Variants in NOL9 observed in about 807,000 individuals in gnomAD.
NOL9 encodes the protein polynucleotide 5'-hydroxyl-kinase NOL9.
In NOL9, 28 loss-of-function variants were observed where a neutral mutation model predicts 67.9. That is an observed-to-expected ratio of 0.41 (90% confidence interval 0.31 to 0.57). The LOEUF (loss-of-function observed/expected upper bound fraction) is 0.57. Ranked by LOEUF, NOL9 falls within the 20% of genes least tolerant of loss-of-function variation. The pLI, the probability that NOL9 is intolerant of heterozygous loss-of-function variation, is 0.25. For missense variants in NOL9, 777 were observed against 897.0 expected (o/e 0.87, Z 1.71); for synonymous variants, 356 against 352.2 (o/e 1.01, Z -0.12).
chr1:6,551,810 TCA>T (rs2148663016), intron 1 of NOL9, among the ~76,000 whole-genome samples: 1 of 151,994 alleles, frequency 6.6e-6, no homozygotes, highest in East Asian at 1.9e-4. Flanking sequence ...GGCGGGTGGA[TCA>T]CAAGGTCAGG....
At chr1:6,540,132 T>TTTTTC in intron 6 of NOL9, among the ~76,000 whole-genome samples, 1 of 135,214 alleles carries the variant, frequency 7.4e-6, no homozygotes, top group African/African-American at 2.8e-5. Context: ...TTCTTTTTTT[T>TTTTTC]TTTTTTTTGA....
Position 6,533,454 on chromosome 1 carries a change from A to G in NOL9, c.1076-13T>C, listed in dbSNP as rs1212637895. The G allele has an allele frequency of 1.3e-6, 2 of 1,570,042 alleles. No individual in the cohort carries two copies. Among genetic ancestry groups the G allele is most frequent in the South Asian group, 2.3e-5 (2 of 85,204 alleles). ...GTGAAAGGTGGTCCTAAAAAGATAA[A>G]GATGAGTAATCAGATGAGTAAGGTG... On this transcript the variant is annotated splice_polypyrimidine_tract_variant and intron_variant, in intron 6 of 11. Coordinates refer to ENST00000377705, the MANE Select transcript of NOL9 (RefSeq NM_024654.5).
chr1:6,539,995 T>C (rs1002002708), intron 6 of NOL9, among the ~76,000 whole-genome samples: 2 of 151,852 alleles, frequency 1.3e-5, no homozygotes, highest in Admixed American at 6.6e-5. Context: ...GGAGTTACTC[T>C]TTTTTTTGAG....
chr1:6,541,286 A>G (rs1217869740), intron 6 of NOL9, among the ~76,000 whole-genome samples: 1 of 152,094 alleles, frequency 6.6e-6, no homozygotes, highest in East Asian at 1.9e-4. Context: ...CGGTCAAGCA[A>G]TTCTCCTGCT....
intron 6 of NOL9, among the ~76,000 whole-genome samples, chr1:6,540,362 T>G (rs908635131): frequency 6.6e-6 from 1 of 151,978 alleles, no homozygotes; most frequent in Non-Finnish European, 1.5e-5. Flanking sequence ...AACCTCGTGA[T>G]CCACCCGCCT....
rs1327742566 is a variant in NOL9 at position 6,524,034 on chromosome 1, A to T, written c.*1820T>A. 2.0e-5 allele frequency: 3 copies of T among 152,186 alleles called. No individual in the cohort carries two copies. Among genetic ancestry groups the T allele is most frequent in the African/African-American group, 7.2e-5 (3 of 41,436 alleles). The allele number at this position is 152,186 out of a possible 1,614,324, so 9.4% of individuals were successfully genotyped here. ...ATTGATGGTGATGGATTGTCTTAAA[A>T]TTCTTTACAAGGCCAGCACAGTAAA... On this transcript the variant is annotated 3_prime_UTR_variant, in exon 12 of 12. Transcript: ENST00000377705.
chr1:6,529,281 CT>C, intron 9 of NOL9, 110 bp from the exon 10 acceptor site: 1 of 958,668 alleles, frequency 1.0e-6, no homozygotes, highest in Non-Finnish European at 1.6e-6. Context: ...AAAGTGCCTA[CT>C]CAAAAGTATC....
intron 9 of NOL9, among the ~76,000 whole-genome samples, chr1:6,529,997 T>C (rs767732053): frequency 6.6e-6 from 1 of 152,208 alleles, no homozygotes; most frequent in Admixed American, 6.5e-5. Flanking sequence ...CGCATGCCTT[T>C]AGTCTTAGCT....
intron 7 of NOL9, among the ~76,000 whole-genome samples, chr1:6,533,065 C>T (rs1639070254): frequency 1.3e-5 from 2 of 152,216 alleles, no homozygotes; most frequent in Non-Finnish European, 2.9e-5. Flanking sequence ...GTCCCAGCTA[C>T]TCTGGAAGCT....
At position 6,550,526 on chromosome 1, in the gene NOL9, G is replaced by C. The variant is rs1390697509; in HGVS notation, c.486C>G (p.Ala162=). Residue 162 remains alanine (A), a synonymous_variant, in exon 2 of 12, where the codon GCC becomes GCG. Coordinates refer to ENST00000377705, the MANE Select transcript of NOL9 (RefSeq NM_024654.5). Reference sequence around the variant, plus strand: ...GGGTATACACAGAGAAGATGTCTTGGGCAGGCTGGCCTTGGCTGATGGTAA... The same window carrying C: ...GGGTATACACAGAGAAGATGTCTTGCGCAGGCTGGCCTTGGCTGATGGTAA... ...FGFTISQGQP[A]QDIFSVYTHS... 2 of 1,614,064 alleles carry C rather than the reference G, an allele frequency of 1.2e-6. No individual in the cohort carries two copies. Among genetic ancestry groups the C allele is most frequent in the Non-Finnish European group, 1.7e-6 (2 of 1,180,010 alleles).
chr1:6,534,713 A>G (rs12401795), intron 6 of NOL9, among the ~76,000 whole-genome samples: 23,017 of 152,232 alleles, frequency 0.15, 2,096 homozygotes, highest in African/African-American at 0.26. Context: ...ATGAAAGTGA[A>G]GAAGGCTAAC....
At chr1:6,543,982 C>T (rs1426384766) in intron 5 of NOL9, among the ~76,000 whole-genome samples, 1 of 152,080 alleles carries the variant, frequency 6.6e-6, no homozygotes, top group Admixed American at 6.6e-5. Context: ...AAAAATTAGC[C>T]GGGTATGGTG....
intron 1 of NOL9, among the ~76,000 whole-genome samples, chr1:6,552,439 A>T (rs1639563376): frequency 1.3e-5 from 2 of 152,062 alleles, no homozygotes; most frequent in Admixed American, 1.3e-4. Flanking sequence ...AGCCTTTTAA[A>T]TTTTTTAATT....
At chr1:6,535,297 C>T (rs1355215223) in intron 6 of NOL9, among the ~76,000 whole-genome samples, 1 of 152,196 alleles carries the variant, frequency 6.6e-6, no homozygotes, top group Non-Finnish European at 1.5e-5. Context: ...TTCAATCTCT[C>T]TCCATGAAAA....
rs202238761 is a variant in NOL9, at chr1:6,526,861, C to T, written c.1826-32G>A. On this transcript the variant is annotated intron_variant, in intron 10 of 11. Transcript: ENST00000377705. ...GACACGCGCACAACACAAAAATCAC[C>T]CTTTTGGAAAACATCAAACTTCTCC... 5 of 1,539,662 alleles carry T rather than the reference C, an allele frequency of 3.2e-6. No individual in the cohort carries two copies. In the Admixed American group the frequency reaches 6.3e-5, roughly 19 times the overall value.
Position 6,523,995 on chromosome 1 carries a change from G to A in NOL9, c.*1859C>T, listed in dbSNP as rs900635933. On this transcript the variant is annotated 3_prime_UTR_variant, in exon 12 of 12. Transcript: ENST00000377705. ...TATAACTGTAAGATACACGAAAGTGGAGAAAGGCAAAACATTGATGGTGAT... is the reference window on the plus strand; with the variant it reads ...TATAACTGTAAGATACACGAAAGTGAAGAAAGGCAAAACATTGATGGTGAT... 3 of 152,208 alleles carry A rather than the reference G, an allele frequency of 2.0e-5. No individual in the cohort carries two copies. The highest frequency in any genetic ancestry group is 1.3e-4 in the Admixed American group (2 of 15,272). The allele number at this position is 152,208 out of a possible 1,614,324, so 9.4% of individuals were successfully genotyped here. A position where few individuals can be genotyped will look rare whatever the true frequency, so the allele number is the denominator to read the frequency against.
At chr1:6,544,697 C>T in intron 5 of NOL9, 129 bp downstream of exon 5, 1 of 893,364 alleles carries the variant, frequency 1.1e-6, no homozygotes, top group Non-Finnish European at 1.7e-6. Flanking sequence ...CCAGATGCTT[C>T]AGCTGGGCAG....
At chr1:6,544,030 G>A (rs1199210272) in intron 5 of NOL9, among the ~76,000 whole-genome samples, 2 of 152,208 alleles carry the variant, frequency 1.3e-5, no homozygotes, top group African/African-American at 2.4e-5. Context: ...GGAGGCTGAG[G>A]TAGGAGAATC....
chr1:6,545,907 G>A (rs1033780608), intron 3 of NOL9, among the ~76,000 whole-genome samples: 3 of 95,400 alleles, frequency 3.1e-5, no homozygotes, highest in Non-Finnish European at 5.6e-5. Context: ...GAGGGAGACT[G>A]TGTCTGTGTC....
Sources: allele counts gnomAD v4.1 joint callset (sites outside exome capture counted in the v4.1 genomes callset), GRCh38; gene constraint gnomAD v4.1.1; transcripts MANE v1.5; gene names NCBI Gene and HGNC (gene_info 2026-07-23, HGNC 2026-07-21).